Variants in AXL observed in about 807,000 individuals in gnomAD.
AXL encodes the protein tyrosine-protein kinase receptor UFO.
AXL carries 52 observed loss-of-function variants against 104.5 expected under a neutral mutation model. The observed-to-expected ratio is 0.50, with a 90% CI of 0.40 to 0.63. The LOEUF is 0.63. Among genes scored for constraint, AXL ranks in the 20% least tolerant of loss-of-function variants. The probability of loss-of-function intolerance (pLI) is 0.00; values close to 1 mark genes in which losing one functional copy is unlikely to be tolerated. For synonymous variants in AXL, 455 were observed against 473.7 expected (o/e 0.96, Z 0.51); for missense variants, 1,024 against 1,188.5 (o/e 0.86, Z 2.04).
chr19:41,259,712 T>C lies in AXL; in HGVS notation c.2493T>C (p.Pro831=), dbSNP rs116041107. ...YVNMDEGGGY[P]EPPGAAGGAD... ...ACATGGATGAGGGTGGAGGTTATCC[T>C]GAACCCCCTGGAGCTGCAGGAGGAG... The change falls in exon 20 of 20, where the codon CCT becomes CCC. Residue 831 remains proline (P), a synonymous_variant. Coordinates refer to ENST00000301178, the MANE Select transcript of AXL (RefSeq NM_021913.5). The C allele has an allele frequency of 1.3e-3, 2,176 of 1,614,094 alleles. 29 individuals are homozygous for C. In the African/African-American group the frequency reaches 0.026, roughly 19 times the overall value.
rs748904765 is a variant in AXL at position 41,222,029 on chromosome 19, G to A, written c.559G>A (p.Gly187Ser). 1.1e-5 allele frequency: 17 copies of A among 1,592,434 alleles called. No individual in the cohort carries two copies. Among genetic ancestry groups the A allele is most frequent in the African/African-American group, 2.7e-5 (2 of 74,294 alleles). The change falls in exon 4 of 20, where the codon GGC becomes AGC. Residue 187 changes from glycine to serine, a missense_variant. Transcript: ENST00000301178. The part of the protein sequence containing the change: ...AVPLATAPGH[G>S]PQRSLHVPGL... ...CCCCCTGGCCACGGCTCCAGGTCAC[G>A]GCCCCCAGCGCAGCCTGCATGTTCC...
At chr19:41,247,019 A>G (rs991307548) in intron 12 of AXL, among the ~76,000 whole-genome samples, 3 of 152,244 alleles carry the variant, frequency 2.0e-5, no homozygotes, top group Admixed American at 2.0e-4. Flanking sequence ...CTCAACAACT[A>G]AATTAAAACT....
chr19:41,234,521 T>A (rs183034002), intron 6 of AXL, among the ~76,000 whole-genome samples: 60 of 151,630 alleles, frequency 4.0e-4, no homozygotes, highest in African/African-American at 1.4e-3. Flanking sequence ...TGTGACAGAG[T>A]GAGACCCTGC....
At chr19:41,230,755 A>G (rs1240661505) in intron 4 of AXL, among the ~76,000 whole-genome samples, 1 of 151,930 alleles carries the variant, frequency 6.6e-6, no homozygotes, top group African/African-American at 2.4e-5. Flanking sequence ...GCGGGAGGTT[A>G]GGGCTGAAAC....
chr19:41,238,542 C>T lies in AXL; in HGVS notation c.1067C>T (p.Pro356Leu). ...CAGGCCTTCGTGCATTGGCAAGAGC[C>T]CCGGGCGCCCCTGCAGGGTACCCTG... ...GSQAFVHWQE[P>L]RAPLQGTLLG... The change falls in exon 8 of 20, where the codon CCC becomes CTC. Residue 356 changes from proline (P) to leucine (L), a missense_variant. This residue lies in a region of AXL where 332 missense variants were observed against 343.9 expected (regional missense o/e 0.97). Transcript: ENST00000301178. 3 of 1,614,020 alleles carry T rather than the reference C, an allele frequency of 1.9e-6. No individual in the cohort carries two copies. Among genetic ancestry groups the T allele is most frequent in the South Asian group, 1.1e-5 (1 of 91,074 alleles).
intron 4 of AXL, among the ~76,000 whole-genome samples, chr19:41,227,522 G>C (rs368070871): frequency 7.0e-6 from 1 of 142,690 alleles, no homozygotes; most frequent in Admixed American, 7.2e-5. Flanking sequence ...GTCTCTCTCT[G>C]TCGCCCAGGC....
chr19:41,226,954 A>G (rs1440071226), intron 4 of AXL: 3 of 285,912 alleles, frequency 1.0e-5, no homozygotes, highest in Non-Finnish European at 1.6e-5. Flanking sequence ...TTGAAAAGTT[A>G]GCCAAGTGTG....
chr19:41,230,188 T>C (rs2033953676), intron 4 of AXL, among the ~76,000 whole-genome samples: 1 of 151,730 alleles, frequency 6.6e-6, no homozygotes, highest in Non-Finnish European at 1.5e-5. Context: ...TGTGAGCATA[T>C]GTGTTTATAT....
chr19:41,230,682 T>G (rs2033969431), intron 4 of AXL, among the ~76,000 whole-genome samples: 1 of 151,870 alleles, frequency 6.6e-6, no homozygotes, highest in Non-Finnish European at 1.5e-5. Flanking sequence ...TGTGAGACAG[T>G]GTGTGTGCCT....
chr19:41,256,403 G>A (rs770176373), intron 17 of AXL, 49 bp from the exon 18 acceptor site: 24 of 1,589,592 alleles, frequency 1.5e-5, no homozygotes, highest in Non-Finnish European at 2.0e-5. Flanking sequence ...AGGCTTCCTG[G>A]TGGAGGTGAC....
At position 41,253,738 on chromosome 19, in the gene AXL, C is replaced by A. The variant is rs753445084; in HGVS notation, c.2036+30C>A. ...GTGCCTTTCAGGGACCCCCCCCCCC[C>A]AACTGCTCCTGCACTCCCTGAGGGA... On this transcript the variant is annotated intron_variant, in intron 17 of 19. Transcript: ENST00000301178. 340 of 1,430,850 alleles carry A rather than the reference C, an allele frequency of 2.4e-4. No homozygotes were observed. The African/African-American group carries it at 2.5e-3, about 11-fold the overall frequency. 88.6% of individuals were successfully genotyped at this position (1,430,850 alleles called of 1,614,324 possible). A position where few individuals can be genotyped will look rare whatever the true frequency, so the allele number is the denominator to read the frequency against.
rs2033869064 is a variant in AXL, at chr19:41,225,834, A to T, written c.586+3778A>T. On this transcript the variant is annotated intron_variant, in intron 4 of 19. Transcript: ENST00000301178. ...GTGTGTTTAAGTGTGATTCATTGTG[A>T]GTGTGTGTGTGGGGGGGTTTGCTGT... is the stretch of plus-strand genomic sequence containing the variant. Among the ~76,000 whole-genome samples, 13 of 151,412 alleles carry T rather than the reference A, an allele frequency of 8.6e-5. No homozygotes were observed. The South Asian group carries it at 2.7e-3, about 32-fold the overall frequency.
At chr19:41,226,190 G>C (rs550624707) in intron 4 of AXL, among the ~76,000 whole-genome samples, 6 of 152,118 alleles carry the variant, frequency 3.9e-5, no homozygotes, top group South Asian at 4.2e-4. Flanking sequence ...AGGTGCCCCC[G>C]GTGACTCACG....
intron 6 of AXL, among the ~76,000 whole-genome samples, chr19:41,237,010 A>G (rs919423084): frequency 3.3e-5 from 5 of 152,092 alleles, no homozygotes; most frequent in African/African-American, 9.6e-5. Context: ...GCCCAAGACA[A>G]TTCTTCTTCC....
At chr19:41,239,503 T>A (rs748022565) in intron 9 of AXL, among the ~76,000 whole-genome samples, 189 bp downstream of exon 9, 1 of 140,762 alleles carries the variant, frequency 7.1e-6, no homozygotes, top group Non-Finnish European at 1.6e-5. Flanking sequence ...GCCTCACTCC[T>A]TTACCCGTGC....
Position 41,219,330 on chromosome 19 carries a change from C to G in AXL, c.-63C>G. 1 of 1,471,914 alleles carries G rather than the reference C, an allele frequency of 6.8e-7. No homozygotes were observed. Among genetic ancestry groups the G allele is most frequent in the Non-Finnish European group, 9.2e-7 (1 of 1,085,946 alleles). The allele number at this position is 1,471,914 out of a possible 1,614,324, so 91.2% of individuals were successfully genotyped here. A position where few individuals can be genotyped will look rare whatever the true frequency, so the allele number is the denominator to read the frequency against. Reference sequence around the variant, plus strand: ...CTGGAGCTGGGGGGAGGGCCGGGGACAGCCCGGCCCTGCCCCCTCCCCCGC... The same window carrying G: ...CTGGAGCTGGGGGGAGGGCCGGGGAGAGCCCGGCCCTGCCCCCTCCCCCGC... On this transcript the variant is annotated 5_prime_UTR_variant, in exon 1 of 20. Coordinates refer to ENST00000301178, the MANE Select transcript of AXL (RefSeq NM_021913.5).
chr19:41,250,775 G>A (rs375683543), intron 14 of AXL, among the ~76,000 whole-genome samples: 5 of 152,158 alleles, frequency 3.3e-5, no homozygotes, highest in Admixed American at 6.5e-5. Flanking sequence ...AGTCTTGCTC[G>A]TTGCCCATGC....
intron 4 of AXL, among the ~76,000 whole-genome samples, chr19:41,228,937 TTTGTCTTTTCTTTTCTTTC>T (rs1568409892): frequency 1.0e-4 from 15 of 145,724 alleles, no homozygotes; most frequent in Admixed American, 9.6e-4. Context: ...TCTTTCTTTC[TTTGTCTTTTCTTTTCTTTC>T]TTTTTTTTTT....
chr19:41,226,722 A>G (rs2033888305), intron 4 of AXL: 8 of 985,642 alleles, frequency 8.1e-6, no homozygotes, highest in Non-Finnish European at 8.4e-6. Context: ...GGTCACAAAC[A>G]TACCAGCTCA....
Sources: allele counts gnomAD v4.1 joint callset (sites outside exome capture counted in the v4.1 genomes callset), GRCh38; gene constraint gnomAD v4.1.1; regional missense constraint gnomAD v4.1.1; transcripts MANE v1.5; gene names NCBI Gene and HGNC (gene_info 2026-07-23, HGNC 2026-07-21).